The following TMEM200C variants were observed in gnomAD, a reference collection of about 807,000 sequenced individuals.
TMEM200C encodes transmembrane protein 200C.
For synonymous variants in TMEM200C, 462 were observed against 324.7 expected, an observed-to-expected ratio of 1.42 and a Z score of -4.55; for missense variants, 966 against 699.9, an observed-to-expected ratio of 1.38 and a Z score of -4.29.
exon 3 of TMEM200C, chr18:5,890,162 ATT>A: frequency 6.7e-7 from 1 of 1,489,042 alleles, no homozygotes; most frequent in Non-Finnish European, 9.0e-7. Flanking sequence ...CGTTTCTCCC[ATT>A]TTCTCTTTCC....
chr18:5,890,521 A>G, exon 3 of TMEM200C: 2 of 1,497,664 alleles, frequency 1.3e-6, no homozygotes, highest in Non-Finnish European at 1.8e-6. Flanking sequence ...GTGGGGGGCG[A>G]GCCCTCCAGC....
rs1211267706 is a variant in TMEM200C, at chr18:5,891,386, C to CGCGGCGGCGGCCGCG, written c.663_677dup (p.Ala226_Ala230dup). ...ACGACGACGAAGAGGCGGCGGCGGCCGCGGCGGCGGCCGCGGCGGCCGCCA... is the reference window on the plus strand; with the variant it reads ...ACGACGACGAAGAGGCGGCGGCGGCCGCGGCGGCGGCCGCGGCGGCGGCGGCCGCGGCGGCCGCCA... On this transcript the variant is annotated inframe_insertion, in exon 3 of 3. Coordinates refer to ENST00000581347, the Ensembl canonical transcript of TMEM200C. The surrounding 1 kb of genome is among the most constrained non-coding windows in gnomAD (Gnocchi z 4.7). 1 of 1,323,348 alleles carries CGCGGCGGCGGCCGCG rather than the reference C, an allele frequency of 7.6e-7. No individual in the cohort carries two copies. Among genetic ancestry groups the CGCGGCGGCGGCCGCG allele is most frequent in the African/African-American group, 1.6e-5 (1 of 63,754 alleles). 82.0% of individuals were successfully genotyped at this position (1,323,348 alleles called of 1,614,324 possible).
exon 3 of TMEM200C, chr18:5,885,319 C>T (rs1397335761): frequency 6.6e-6 from 1 of 152,142 alleles, no homozygotes; most frequent in Non-Finnish European, 1.5e-5. Context: ...CAGGCCCATA[C>T]TTTGTAACAC....
Position 5,891,948 on chromosome 18 carries a change from A to G in TMEM200C, c.116T>C (p.Val39Ala). The change falls in exon 3 of 3, where the codon GTG (valine) becomes GCG (alanine). Residue 39 changes from valine to alanine, a missense_variant. Physicochemically the swap from Val to Ala is moderately conservative, Grantham distance 64. Coordinates refer to ENST00000581347, the Ensembl canonical transcript of TMEM200C. The surrounding 1 kb of genome is among the most constrained non-coding windows in gnomAD (Gnocchi z 4.7). ...CTTCAGCTTGCCTTTCACCACCACC[A>G]CGTCGTTCTTGCGCCTCTTCTTGGC... 1.2e-6 allele frequency: 2 copies of G among 1,613,838 alleles called. No homozygotes were observed.
Position 5,891,022 on chromosome 18 carries a change from T to C in TMEM200C, c.1042A>G (p.Ser348Gly). 1.7e-6 allele frequency: 1 copy of C among 578,428 alleles called. No individual in the cohort carries two copies. The highest frequency in any genetic ancestry group is 3.4e-5 in the East Asian group (1 of 29,182). 35.8% of individuals were successfully genotyped at this position (578,428 alleles called of 1,614,324 possible). Residue 348 changes from serine (S) to glycine (G), a missense_variant, in exon 3 of 3, where the codon AGC (serine) becomes GGC (glycine). By Grantham distance (56) the Ser-to-Gly change is moderately conservative. Coordinates refer to ENST00000581347, the Ensembl canonical transcript of TMEM200C. This position sits in a 1 kb window ranked among gnomAD's most constrained non-coding sequence, Gnocchi z 4.7. ...CAGGGCGCCGGACTGCTGCAGCTGC[T>C]AGCGGCTGCGGCGGCGGTGGCAGCG... is the stretch of plus-strand genomic sequence containing the variant.
At position 5,891,843 on chromosome 18, in the gene TMEM200C, T is replaced by C. The variant is rs777393918; in HGVS notation, c.221A>G (p.Tyr74Cys). The change falls in exon 3 of 3, where the codon TAC (tyrosine) becomes TGC (cysteine). Residue 74 changes from tyrosine (Y) to cysteine (C), a missense_variant. Physicochemically the swap from Tyr to Cys is radical, Grantham distance 194. Transcript: ENST00000581347. The surrounding 1 kb of genome is among the most constrained non-coding windows in gnomAD (Gnocchi z 4.7). ...ATTGGTCCCGGTGGCCTTGGGCCAG[T>C]AGCCCACCACCGCCATGGCTATGCC... 1.2e-6 allele frequency: 2 copies of C among 1,607,492 alleles called. No homozygotes were observed. The highest frequency in any genetic ancestry group is 1.7e-6 in the Non-Finnish European group (2 of 1,178,720).
chr18:5,886,537 C>G (rs928429991), exon 3 of TMEM200C: 1 of 152,098 alleles, frequency 6.6e-6, no homozygotes, highest in African/African-American at 2.4e-5. Context: ...ATTTTAAAGA[C>G]TTTTTAGTAC....
intron 2 of TMEM200C, 88 bp from the exon 2 acceptor site, chr18:5,892,245 C>A: frequency 1.6e-6 from 1 of 639,164 alleles, no homozygotes; most frequent in South Asian, 2.0e-5. Flanking sequence ...AGATCCCACT[C>A]CGTGTGTGCC....
exon 3 of TMEM200C, chr18:5,890,897 A>G (rs949315960): frequency 1.0e-5 from 7 of 682,068 alleles, no homozygotes; most frequent in Admixed American, 2.1e-5. Flanking sequence ...CCCCGCCCCT[A>G]TCGCGGCCCC....
rs2095171725 is a variant in TMEM200C, at chr18:5,891,986, C to T, written c.78G>A (p.Lys26=). The change falls in exon 3 of 3, where the codon AAG becomes AAA. Residue 26 remains lysine (K), a synonymous_variant. Coordinates refer to ENST00000581347, the Ensembl canonical transcript of TMEM200C. The surrounding 1 kb of genome is among the most constrained non-coding windows in gnomAD (Gnocchi z 4.7). ...GCCTCTTCTTGGCTTTCCGCTTGCG[C>T]TTGGGTATCTGGCTTGGGGGGCGGA... is the stretch of plus-strand genomic sequence containing the variant. The T allele has an allele frequency of 1.9e-6, 3 of 1,613,876 alleles. No individual in the cohort carries two copies. Among genetic ancestry groups the T allele is most frequent in the African/African-American group, 2.7e-5 (2 of 74,950 alleles).
chr18:5,888,663 A>C (rs1368362841), exon 3 of TMEM200C: 1 of 152,234 alleles, frequency 6.6e-6, no homozygotes, highest in Non-Finnish European at 1.5e-5. Flanking sequence ...TACACTATGC[A>C]TTCAGCAATA....
In TMEM200C at chr18:5,894,067, G is replaced by C. The variant is rs574557725; in HGVS notation, c.-95+963C>G. On this transcript the variant is annotated intron_variant, in intron 2 of 2. Coordinates refer to ENST00000581347, the Ensembl canonical transcript of TMEM200C. ...GTGGTTATCTTAAGAAGGCTTTAAG[G>C]ACCAGACATTTTTTAGAAGCGAACT... Among the ~76,000 whole-genome samples the C allele has an allele frequency of 7.9e-5, 12 of 152,232 alleles. No individual in the cohort carries two copies. The South Asian group carries it at 2.3e-3, about 29-fold the overall frequency.
chr18:5,890,905 C>A (rs1164686396), exon 3 of TMEM200C: 2 of 682,704 alleles, frequency 2.9e-6, no homozygotes, highest in South Asian at 3.0e-5. Context: ...CTATCGCGGC[C>A]CCCTTGCAAG....
chr18:5,894,991 A>G (rs1317635022), intron 2 of TMEM200C, 39 bp downstream of exon 1: 1 of 152,280 alleles, frequency 6.6e-6, no homozygotes, highest in African/African-American at 2.4e-5. Context: ...GAATTGCTCA[A>G]AATGGCAGCA....
At chr18:5,886,490 T>G (rs915651440) in exon 3 of TMEM200C, 54 of 152,210 alleles carry the variant, frequency 3.5e-4, no homozygotes, top group African/African-American at 1.2e-3. Context: ...TAAGCCCTCA[T>G]GTTTTAAGGT....
chr18:5,895,591 C>T (rs1186983009), intron 1 of TMEM200C, 69 bp from the exon 1 acceptor site: 2 of 134,914 alleles, frequency 1.5e-5, no homozygotes, highest in Non-Finnish European at 3.2e-5. Context: ...GCCCCACCCC[C>T]TCCTCCGGCG....
Position 5,891,386 on chromosome 18 carries a change from C to T in TMEM200C, c.678G>A (p.Ala226=). Residue 226 remains alanine, a synonymous_variant, in exon 3 of 3, where the codon GCG becomes GCA. Coordinates refer to ENST00000581347, the Ensembl canonical transcript of TMEM200C. This position sits in a 1 kb window ranked among gnomAD's most constrained non-coding sequence, Gnocchi z 4.7. ...ACGACGACGAAGAGGCGGCGGCGGC[C>T]GCGGCGGCGGCCGCGGCGGCCGCCA... 1.5e-6 allele frequency: 2 copies of T among 1,323,456 alleles called. No homozygotes were observed. Among genetic ancestry groups the T allele is most frequent in the Non-Finnish European group, 1.9e-6 (2 of 1,041,624 alleles). The allele number at this position is 1,323,456 out of a possible 1,614,324, so 82.0% of individuals were successfully genotyped here.
At position 5,891,836 on chromosome 18, in the gene TMEM200C, G is replaced by A. The variant is rs1427099726; in HGVS notation, c.228C>T (p.Pro76=). Residue 76 remains proline (P), a synonymous_variant, in exon 3 of 3, where the codon CCC becomes CCT. Transcript: ENST00000581347. This position sits in a 1 kb window ranked among gnomAD's most constrained non-coding sequence, Gnocchi z 4.7. Reference sequence around the variant, plus strand: ...CCTCCCGATTGGTCCCGGTGGCCTTGGGCCAGTAGCCCACCACCGCCATGG... The same window carrying A: ...CCTCCCGATTGGTCCCGGTGGCCTTAGGCCAGTAGCCCACCACCGCCATGG... 1.9e-6 allele frequency: 3 copies of A among 1,606,454 alleles called. No homozygotes were observed. The highest frequency in any genetic ancestry group is 2.2e-5 in the East Asian group (1 of 44,832).
Position 5,891,998 on chromosome 18 carries a change from G to T in TMEM200C, c.66C>A (p.Ser22Arg). Residue 22 changes from serine (S) to arginine (R), a missense_variant, in exon 3 of 3, where the codon AGC becomes AGA. Ser to Arg is a moderately radical substitution (Grantham distance 110, BLOSUM62 -1). Transcript: ENST00000581347. This position sits in a 1 kb window ranked among gnomAD's most constrained non-coding sequence, Gnocchi z 4.7. ...CTTTCCGCTTGCGCTTGGGTATCTG[G>T]CTTGGGGGGCGGAGTGGATCCTGCT... 1 of 1,613,956 alleles carries T rather than the reference G, an allele frequency of 6.2e-7. No homozygotes were observed. Among genetic ancestry groups the T allele is most frequent in the East Asian group, 2.2e-5 (1 of 44,858 alleles).
Sources: allele counts gnomAD v4.1 joint callset (sites outside exome capture counted in the v4.1 genomes callset), GRCh38; gene constraint gnomAD v4.1.1; non-coding constraint Gnocchi (gnomAD v3.1); transcripts MANE v1.5; gene names NCBI Gene and HGNC (gene_info 2026-07-23, HGNC 2026-07-21).